Variants in SOX5 observed in about 807,000 individuals in gnomAD.
The protein encoded by SOX5 is SRY-box transcription factor 5.
SOX5 carries 9 observed loss-of-function variants against 92.0 expected under a neutral mutation model. The observed-to-expected ratio is 0.10, with a 90% CI of 0.06 to 0.17. The LOEUF (loss-of-function observed/expected upper bound fraction) is 0.17, where lower values mean the gene tolerates loss of function less well. Ranked by LOEUF, SOX5 falls within the 10% of genes least tolerant of loss-of-function variation. The pLI is 1.00. For missense variants in SOX5, 642 were observed against 944.5 expected, an observed-to-expected ratio of 0.68 and a Z score of 4.20; for synonymous variants, 344 against 336.3, an observed-to-expected ratio of 1.02 and a Z score of -0.25.
At chr12:24,329,796 G>T (rs888846874) in intron 2 of SOX5, among the ~76,000 whole-genome samples, 2 of 152,222 alleles carry the variant, frequency 1.3e-5, no homozygotes, top group Non-Finnish European at 2.9e-5. Flanking sequence ...GCCAAGGCAG[G>T]TGGATCATCT....
chr12:24,538,385 A>C (rs1308407949), intron 1 of SOX5, among the ~76,000 whole-genome samples: 7 of 152,164 alleles, frequency 4.6e-5, no homozygotes, highest in African/African-American at 1.7e-4. Flanking sequence ...TGACCTGCTT[A>C]AAATTAGTTT....
chr12:23,949,892 C>T (rs574614386), upstream of SOX5, among the ~76,000 whole-genome samples: 11 of 151,346 alleles, frequency 7.3e-5, no homozygotes, highest in Non-Finnish European at 1.3e-4. Context: ...GCTGCTCCCC[C>T]CTCCGCGGAG....
chr12:23,936,422 T>C (rs1185841907), intron 1 of SOX5, among the ~76,000 whole-genome samples: 1 of 151,004 alleles, frequency 6.6e-6, no homozygotes, highest in African/African-American at 2.4e-5. Flanking sequence ...TTGAAGAAAG[T>C]GACAGTATTC....
chr12:23,869,306 A>G (rs1291447230), intron 2 of SOX5, among the ~76,000 whole-genome samples: 1 of 152,174 alleles, frequency 6.6e-6, no homozygotes, highest in African/African-American at 2.4e-5. Context: ...TATGCTACAT[A>G]ATTTTCACAA....
intron 3 of SOX5, among the ~76,000 whole-genome samples, chr12:24,234,790 C>T (rs2139987665): frequency 6.6e-6 from 1 of 152,230 alleles, no homozygotes; most frequent in African/African-American, 2.4e-5. Context: ...TGATGGTTCT[C>T]ATTAGGGGTC....
intron 10 of SOX5, among the ~76,000 whole-genome samples, chr12:23,570,924 AAAAAAAATATAT>A (rs1948139175): frequency 2.3e-5 from 1 of 42,554 alleles, no homozygotes; most frequent in African/African-American, 9.8e-5. Flanking sequence ...AAAAAAAAAA[AAAAAAAATATAT>A]ATATATATAT....
intron 9 of SOX5, among the ~76,000 whole-genome samples, chr12:23,578,809 G>A (rs983132884): frequency 3.3e-5 from 5 of 152,140 alleles, no homozygotes; most frequent in African/African-American, 1.2e-4. Context: ...CCTTCTGTGT[G>A]AAACTGACTT....
At chr12:24,264,444 TA>T (rs1942719472) in intron 3 of SOX5, among the ~76,000 whole-genome samples, 1 of 152,244 alleles carries the variant, frequency 6.6e-6, no homozygotes. Flanking sequence ...GTTCATGTAC[TA>T]AAACTCACTT....
chr12:23,847,369 C>A (rs1436084508), intron 2 of SOX5, among the ~76,000 whole-genome samples: 2 of 152,124 alleles, frequency 1.3e-5, no homozygotes, highest in African/African-American at 4.8e-5. Flanking sequence ...CATTTCTTCT[C>A]TACCTATTTG....
chr12:24,441,573 G>A (rs1044703970), intron 1 of SOX5, among the ~76,000 whole-genome samples: 1 of 152,152 alleles, frequency 6.6e-6, no homozygotes, highest in African/African-American at 2.4e-5. Context: ...TAAAGTGGCA[G>A]TGGCAATCTG....
chr12:24,015,259 C>T (rs1035754576), intron 4 of SOX5, among the ~76,000 whole-genome samples: 10 of 152,128 alleles, frequency 6.6e-5, no homozygotes, highest in East Asian at 5.8e-4. Context: ...TCTTGTAGTG[C>T]GGTAATCGGT....
chr12:24,353,321 C>T (rs1251104401), intron 2 of SOX5, among the ~76,000 whole-genome samples: 4 of 152,208 alleles, frequency 2.6e-5, no homozygotes, highest in South Asian at 2.1e-4. Context: ...CTGGAGTCTT[C>T]GTTTCCCGTA....
chr12:24,526,045 A>C (rs1950680561), intron 1 of SOX5, among the ~76,000 whole-genome samples: 1 of 151,962 alleles, frequency 6.6e-6, no homozygotes, highest in Non-Finnish European at 1.5e-5. Flanking sequence ...TAACTTTTGT[A>C]CTTTCTGTAG....
At chr12:23,763,987 A>C (rs1486638437) in intron 3 of SOX5, among the ~76,000 whole-genome samples, 4 of 152,040 alleles carry the variant, frequency 2.6e-5, no homozygotes, top group African/African-American at 9.7e-5. Flanking sequence ...GTCCATTTGG[A>C]TTCAAATAAT....
chr12:24,171,469 C>T (rs376930876), intron 4 of SOX5, among the ~76,000 whole-genome samples: 10 of 152,102 alleles, frequency 6.6e-5, no homozygotes, highest in East Asian at 3.9e-4. Flanking sequence ...GTGATCCACC[C>T]GCCTCGGCTT....
chr12:23,617,994 T>A (rs1364055092), intron 8 of SOX5, among the ~76,000 whole-genome samples: 1 of 152,136 alleles, frequency 6.6e-6, no homozygotes, highest in Non-Finnish European at 1.5e-5. Context: ...ATGTATGACC[T>A]ATTCGATTGA....
intron 4 of SOX5, among the ~76,000 whole-genome samples, chr12:24,185,086 TA>T (rs1277442729): frequency 6.6e-6 from 1 of 152,110 alleles, no homozygotes; most frequent in Non-Finnish European, 1.5e-5. Flanking sequence ...GACACTGCAC[TA>T]GACACTCTGA....
intron 2 of SOX5, among the ~76,000 whole-genome samples, chr12:24,290,785 G>C (rs1385817851): frequency 6.6e-6 from 1 of 152,162 alleles, no homozygotes; most frequent in Non-Finnish European, 1.5e-5. Flanking sequence ...GAAGTTCCTA[G>C]AGCAAGGGAA....
intron 3 of SOX5, among the ~76,000 whole-genome samples, chr12:23,832,803 A>T (rs1424503577): frequency 1.3e-5 from 2 of 151,924 alleles, no homozygotes; most frequent in African/African-American, 4.8e-5. Context: ...AGGCAAAAAA[A>T]AAAACCCTTA....
Sources: allele counts gnomAD v4.1 joint callset (sites outside exome capture counted in the v4.1 genomes callset), GRCh38; gene constraint gnomAD v4.1.1; transcripts MANE v1.5; gene names NCBI Gene and HGNC (gene_info 2026-07-23, HGNC 2026-07-21).